MXD3: variants seen among roughly 807,000 people sequenced by gnomAD.
The protein encoded by MXD3 is MAX dimerization protein 3.
In MXD3, 20 loss-of-function variants were observed where a neutral mutation model predicts 27.5. The observed-to-expected ratio is 0.73, with a 90% confidence interval of 0.51 to 1.06. The LOEUF (loss-of-function observed/expected upper bound fraction) is 1.06, where lower values mean the gene tolerates loss of function less well. Ranked by LOEUF, MXD3 falls within the 50% of genes least tolerant of loss-of-function variation. MXD3 has a pLI of 0.00. For synonymous variants in MXD3, 150 were observed against 130.7 expected (o/e 1.15, Z -1.01); for missense variants, 298 against 291.3 (o/e 1.02, Z -0.17).
chr5:177,311,142 G>T, intron 2 of MXD3: 1 of 524,590 alleles, frequency 1.9e-6, no homozygotes, highest in Non-Finnish European at 3.3e-6. Flanking sequence ...GTGGAAGCGG[G>T]ACCCCAACTG....
downstream of MXD3, chr5:177,306,356 G>A: frequency 1.9e-6 from 3 of 1,608,560 alleles, no homozygotes; most frequent in Non-Finnish European, 2.5e-6. Flanking sequence ...TTGGTGTCAT[G>A]GGGGAGGGAA....
downstream of MXD3, chr5:177,307,167 G>T (rs1760899800): frequency 6.5e-7 from 1 of 1,549,148 alleles, no homozygotes; most frequent in African/African-American, 1.4e-5. Flanking sequence ...GTCTGTGGTT[G>T]GGAGTTCCCC....
At position 177,311,482 on chromosome 5, in the gene MXD3, CCT is replaced by C; in HGVS notation, c.71_72del (p.Glu24GlyfsTer40). 1 of 1,433,004 alleles carries C rather than the reference CCT, an allele frequency of 7.0e-7. No homozygotes were observed. Among genetic ancestry groups the C allele is most frequent in the South Asian group, 1.5e-5 (1 of 65,234 alleles). 88.8% of individuals were successfully genotyped at this position (1,433,004 alleles called of 1,614,324 possible). ...AAEFLERRER[E>X]AEHGYASLCP... is the part of the protein sequence containing the mutation. The stretch of plus-strand genomic sequence containing the variant: ...CACAGGGACGCATAACCATGCTCGG[CCT>C]CTGCCAGAGAGAGTCCCCGCCCGCG... On this transcript the variant is annotated frameshift_variant and splice_region_variant, in exon 2 of 6. Coordinates refer to ENST00000439742, the MANE Select transcript of MXD3 (RefSeq NM_031300.4). LOFTEE classifies it high-confidence loss of function.
chr5:177,310,094 T>C (rs1349394658), intron 4 of MXD3, among the ~76,000 whole-genome samples: 1 of 151,920 alleles, frequency 6.6e-6, no homozygotes, highest in Non-Finnish European at 1.5e-5. Context: ...TCAACAGCCA[T>C]CCCCTCCCCT....
downstream of MXD3, chr5:177,306,387 A>G (rs1057354418): frequency 1.3e-5 from 21 of 1,613,318 alleles, no homozygotes; most frequent in Non-Finnish European, 1.6e-5. Context: ...TCTTTCAGGC[A>G]TCTTCTAAAG....
At chr5:177,309,381 C>T (rs930328188) in intron 4 of MXD3, among the ~76,000 whole-genome samples, 3 of 152,132 alleles carry the variant, frequency 2.0e-5, no homozygotes, top group African/African-American at 7.2e-5. Flanking sequence ...TGATGGAGCC[C>T]CAGAGAAGGA....
upstream of MXD3, chr5:177,312,197 G>A (rs998031409): frequency 3.9e-5 from 40 of 1,016,328 alleles, no homozygotes; most frequent in Middle Eastern, 4.9e-4. Flanking sequence ...TTCCAGCCCC[G>A]TGCTAGTGAC....
intron 4 of MXD3, among the ~76,000 whole-genome samples, chr5:177,309,414 A>G (rs1309869473): frequency 1.3e-5 from 2 of 152,204 alleles, no homozygotes; most frequent in African/African-American, 2.4e-5. Context: ...TCCTGCCCAC[A>G]GGCCAGCCAG....
downstream of MXD3, chr5:177,306,486 G>A (rs146349826): frequency 9.3e-5 from 150 of 1,613,796 alleles, no homozygotes; most frequent in African/African-American, 1.4e-3. Flanking sequence ...CAAAGGAGAC[G>A]GCACTGGCAG....
chr5:177,306,180 A>G (rs1760868956), downstream of MXD3: 4 of 1,612,194 alleles, frequency 2.5e-6, no homozygotes, highest in South Asian at 4.4e-5. Context: ...CTGCAAGGTG[A>G]GTTTCTGGGT....
At chr5:177,306,881 G>A, downstream of MXD3, 1 of 729,406 alleles carries the variant, frequency 1.4e-6, no homozygotes, top group South Asian at 2.0e-5. Context: ...CAGGGCTTTT[G>A]GTTTTGTTCT....
intron 4 of MXD3, among the ~76,000 whole-genome samples, chr5:177,308,853 C>T (rs923981283): frequency 2.0e-5 from 3 of 152,228 alleles, no homozygotes; most frequent in Admixed American, 2.0e-4. Context: ...CACCCTCCCT[C>T]CCATACCCCT....
At position 177,307,512 on chromosome 5, in the gene MXD3, G is replaced by A; in HGVS notation, c.*76C>T. The stretch of plus-strand genomic sequence containing the variant: ...ACAGGTGACTCCGAGCAGCCCTGAA[G>A]GCTTGGGGAGGGCTCCTGCCTGGCA... On this transcript the variant is annotated 3_prime_UTR_variant, in exon 6 of 6. Coordinates refer to ENST00000439742, the MANE Select transcript of MXD3 (RefSeq NM_031300.4). The A allele has an allele frequency of 2.5e-6, 4 of 1,569,392 alleles. No homozygotes were observed. The highest frequency in any genetic ancestry group is 3.4e-6 in the Non-Finnish European group (4 of 1,159,960).
chr5:177,307,174 C>G (rs1185572963), downstream of MXD3: 3 of 1,549,418 alleles, frequency 1.9e-6, no homozygotes, highest in African/African-American at 1.4e-5. Flanking sequence ...GTTGGGAGTT[C>G]CCCCGTTTTC....
At chr5:177,308,622 C>T (rs1256607295) in intron 4 of MXD3, among the ~76,000 whole-genome samples, 1 of 152,194 alleles carries the variant, frequency 6.6e-6, no homozygotes, top group Non-Finnish European at 1.5e-5. Flanking sequence ...ATCCGCCTGC[C>T]TCAGCCTCCT....
chr5:177,310,879 C>T (rs1463790032), intron 2 of MXD3, 182 bp from the exon 3 acceptor site: 5 of 684,676 alleles, frequency 7.3e-6, no homozygotes, highest in South Asian at 1.8e-5. Flanking sequence ...CAAAGACACA[C>T]GGAGCCAAAT....
downstream of MXD3, chr5:177,306,905 G>A (rs1760893870): frequency 2.6e-6 from 2 of 767,370 alleles, no homozygotes; most frequent in South Asian, 2.0e-5. Context: ...ATGTGTCTCA[G>A]TATCTAGCAC....
Position 177,307,395 on chromosome 5 carries a change from C to A in MXD3, c.*193G>T. The A allele has an allele frequency of 6.7e-7, 1 of 1,490,068 alleles. No homozygotes were observed. The highest frequency in any genetic ancestry group is 9.1e-7 in the Non-Finnish European group (1 of 1,098,752). 92.3% of individuals were successfully genotyped at this position (1,490,068 alleles called of 1,614,324 possible). A position where few individuals can be genotyped will look rare whatever the true frequency, so the allele number is the denominator to read the frequency against. ...TCCAGGGAGGTCCTGATGAGTCCTG[C>A]CCCTTCCCTTCCAGAGGGCCTGCCT... On this transcript the variant is annotated 3_prime_UTR_variant, in exon 6 of 6. Transcript: ENST00000439742.
At chr5:177,309,475 G>A (rs1191921234) in intron 4 of MXD3, among the ~76,000 whole-genome samples, 2 of 152,160 alleles carry the variant, frequency 1.3e-5, no homozygotes, top group African/African-American at 2.4e-5. Flanking sequence ...GGCAAGCTCC[G>A]TGTGAGAAAC....
Sources: allele counts gnomAD v4.1 joint callset (sites outside exome capture counted in the v4.1 genomes callset), GRCh38; gene constraint gnomAD v4.1.1; transcripts MANE v1.5; gene names NCBI Gene and HGNC (gene_info 2026-07-23, HGNC 2026-07-21).